Variants in BFAR observed in about 807,000 individuals in gnomAD.
BFAR encodes bifunctional apoptosis regulator, also known as RING finger protein 47.
Under a neutral mutation model 54.4 loss-of-function variants are expected in BFAR, and 52 were observed. The observed-to-expected ratio is 0.96, with a 90% CI of 0.77 to 1.21. BFAR has a LOEUF of 1.21. Among genes scored for constraint, BFAR ranks in the 50% most tolerant of loss-of-function variants. The pLI is 0.00. For missense variants in BFAR, 571 were observed against 534.0 expected (o/e 1.07, Z -0.68); for synonymous variants, 215 against 204.3 (o/e 1.05, Z -0.45).
rs952237950 is a variant in BFAR at position 14,669,032 on chromosome 16, G to T, written c.*1205G>T. 17 of 453,980 alleles carry T rather than the reference G, an allele frequency of 3.7e-5. No homozygotes were observed. Among genetic ancestry groups the T allele is most frequent in the Non-Finnish European group, 7.5e-5 (17 of 226,046 alleles). 28.1% of individuals were successfully genotyped at this position (453,980 alleles called of 1,614,324 possible). A position where few individuals can be genotyped will look rare whatever the true frequency, so the allele number is the denominator to read the frequency against. On this transcript the variant is annotated 3_prime_UTR_variant, in exon 8 of 8. Coordinates refer to ENST00000261658, the MANE Select transcript of BFAR (RefSeq NM_016561.3). ...AACTATGGCCTTTTATTTCCTTCCA[G>T]TGTGAACACAGCAGGTGTGAGATGT... is the stretch of plus-strand genomic sequence containing the variant.
At position 14,648,612 on chromosome 16, in the gene BFAR, C is replaced by T; in HGVS notation, c.468+20C>T. The T allele has an allele frequency of 6.3e-7, 1 of 1,587,918 alleles. No individual in the cohort carries two copies. ...GTGGCAGTAAGTTGATCACTGTGTTCCTCTGTGCCCCCCCACACCTCACCC... is the reference window on the plus strand; with the variant it reads ...GTGGCAGTAAGTTGATCACTGTGTTTCTCTGTGCCCCCCCACACCTCACCC... On this transcript the variant is annotated intron_variant, in intron 3 of 7. Transcript: ENST00000261658.
chr16:14,644,569 G>C lies in BFAR; in HGVS notation c.223G>C (p.Glu75Gln), dbSNP rs1394457624. The part of the protein sequence containing the change: ...SKKTECPECR[E>Q]KWEGFPKVSI... ...GAAAACAGAATGTCCAGAATGCAGAGAAAAATGGGAAGGTTTCCCCAAAGT... is the reference window on the plus strand; with the variant it reads ...GAAAACAGAATGTCCAGAATGCAGACAAAAATGGGAAGGTTTCCCCAAAGT... The change falls in exon 2 of 8, where the codon GAA becomes CAA. Residue 75 changes from glutamate (E) to glutamine (Q), a missense_variant. Transcript: ENST00000261658. The C allele has an allele frequency of 6.2e-7, 1 of 1,613,284 alleles. No individual in the cohort carries two copies. The highest frequency in any genetic ancestry group is 8.5e-7 in the Non-Finnish European group (1 of 1,179,906).
In BFAR at chr16:14,661,988, A is replaced by G; in HGVS notation, c.880A>G (p.Thr294Ala). 1 of 1,614,066 alleles carries G rather than the reference A, an allele frequency of 6.2e-7. No homozygotes were observed. The highest frequency in any genetic ancestry group is 1.1e-5 in the South Asian group (1 of 91,080). ...LYLYLFDYTD[T>A]FLPFIHTICP... ...CCTGTACCTGTTTGACTACACCGAC[A>G]CCTTCCTACCTTTCATCCACACCAT... The change falls in exon 6 of 8, where the codon ACC becomes GCC. Residue 294 changes from threonine to alanine, a missense_variant. Thr to Ala is a moderately conservative substitution (Grantham distance 58, BLOSUM62 0). Transcript: ENST00000261658.
chr16:14,641,219 T>C (rs560529484), intron 1 of BFAR, among the ~76,000 whole-genome samples: 1 of 152,254 alleles, frequency 6.6e-6, no homozygotes, highest in African/African-American at 2.4e-5. Context: ...GGGGTAGGAA[T>C]AGAATGATTC....
Position 14,661,980 on chromosome 16 carries a change from A to G in BFAR, c.872A>G (p.Tyr291Cys). ...CTGCTCTACCTGTACCTGTTTGACT[A>G]CACCGACACCTTCCTACCTTTCATC... ...LSLLYLYLFD[Y>C]TDTFLPFIHT... The change falls in exon 6 of 8, where the codon TAC (tyrosine) becomes TGC (cysteine). Residue 291 changes from tyrosine to cysteine, a missense_variant. Tyr to Cys is a radical substitution (Grantham distance 194). Coordinates refer to ENST00000261658, the MANE Select transcript of BFAR (RefSeq NM_016561.3). The G allele has an allele frequency of 6.2e-7, 1 of 1,614,058 alleles. No homozygotes were observed. The highest frequency in any genetic ancestry group is 8.5e-7 in the Non-Finnish European group (1 of 1,180,020).
rs1960137732 is a variant in BFAR, at chr16:14,656,657, G to GTTGTTAAACAAGTTATTCAC, written c.783+1448_783+1467dup. ...GACTCCAATGTTTGATTAACGGAAA[G>GTTGTTAAACAAGTTATTCAC]TTGTTAAACAAGTTATTCACGGCAG... On this transcript the variant is annotated intron_variant, in intron 5 of 7. Coordinates refer to ENST00000261658, the MANE Select transcript of BFAR (RefSeq NM_016561.3). Among the ~76,000 whole-genome samples the GTTGTTAAACAAGTTATTCAC allele has an allele frequency of 2.0e-5, 3 of 152,268 alleles. No homozygotes were observed. In the South Asian group the frequency reaches 6.2e-4, roughly 32 times the overall value.
At position 14,661,392 on chromosome 16, in the gene BFAR, C is replaced by CTTTTTTT. The variant is rs774393097; in HGVS notation, c.784-479_784-473dup. Among the ~76,000 whole-genome samples, 202 of 65,102 alleles carry CTTTTTTT rather than the reference C, an allele frequency of 3.1e-3. 38 individuals carry two copies. The highest frequency in any genetic ancestry group is 4.9e-3 in the Non-Finnish European group (168 of 34,394). 42.7% of individuals were successfully genotyped at this position (65,102 alleles called of 152,430 possible). On this transcript the variant is annotated intron_variant, in intron 5 of 7. Transcript: ENST00000261658. The stretch of plus-strand genomic sequence containing the variant: ...CCCCAGCTAGAGCTAGAGATTGGAT[C>CTTTTTTT]TTTTTTTTTTTTTTTTTTTTTTTTT...
At chr16:14,662,449 T>C (rs1407443950) in intron 6 of BFAR, among the ~76,000 whole-genome samples, 2 of 152,176 alleles carry the variant, frequency 1.3e-5, no homozygotes, top group African/African-American at 4.8e-5. Context: ...ATTCCTCCCC[T>C]AATTACCCAG....
rs564707207 is a variant in BFAR at position 14,655,373 on chromosome 16, G to A, written c.783+163G>A. ...GTCCTTCTCTGTCGCCCAGGCTGGA[G>A]TGCAATGGCGCAATCTCAGCTCAGT... is the stretch of plus-strand genomic sequence containing the variant. On this transcript the variant is annotated intron_variant, in intron 5 of 7. Transcript: ENST00000261658. Among the ~76,000 whole-genome samples, 145 of 151,476 alleles carry A rather than the reference G, an allele frequency of 9.6e-4. 2 individuals carry two copies. Among genetic ancestry groups the A allele is most frequent in the Non-Finnish European group, 1.7e-3 (118 of 67,910 alleles).
chr16:14,662,984 C>T (rs566925870), intron 6 of BFAR, among the ~76,000 whole-genome samples: 5 of 152,164 alleles, frequency 3.3e-5, no homozygotes, highest in African/African-American at 9.6e-5. Context: ...GGGCTGCATG[C>T]GCCGGTAATC....
In BFAR at chr16:14,667,750, G is replaced by A. The variant is rs751495116; in HGVS notation, c.1276G>A (p.Ala426Thr). The A allele has an allele frequency of 1.2e-6, 2 of 1,614,116 alleles. No homozygotes were observed. The highest frequency in any genetic ancestry group is 1.1e-5 in the South Asian group (1 of 91,082). The change falls in exon 8 of 8, where the codon GCC becomes ACC. Residue 426 changes from alanine (A) to threonine (T), a missense_variant. Coordinates refer to ENST00000261658, the MANE Select transcript of BFAR (RefSeq NM_016561.3). ...TGTTTGCAACTGTTTGTTTTACTGG[G>A]CCCTGTACTTTAACCCAATTATTAA... ...QFVCNCLFYW[A>T]LYFNPIINID...
rs987167994 is a variant in BFAR, at chr16:14,648,278, T to C, written c.264-110T>C. On this transcript the variant is annotated intron_variant, in intron 2 of 7. Transcript: ENST00000261658. The stretch of plus-strand genomic sequence containing the variant: ...ACTATAATACATTTCTTGTCAGTTC[T>C]CCTAGGGTAGCTATATATTATTAGA... The C allele has an allele frequency of 5.0e-6, 4 of 805,846 alleles. No individual in the cohort carries two copies. The African/African-American group carries it at 6.9e-5, about 14-fold the overall frequency. The allele number at this position is 805,846 out of a possible 1,614,324, so 49.9% of individuals were successfully genotyped here. A position where few individuals can be genotyped will look rare whatever the true frequency, so the allele number is the denominator to read the frequency against.
Position 14,641,292 on chromosome 16 carries a change from G to T in BFAR, c.-73-2982G>T, listed in dbSNP as rs964505267. Among the ~76,000 whole-genome samples, 6 of 152,270 alleles carry T rather than the reference G, an allele frequency of 3.9e-5. No individual in the cohort carries two copies. In the East Asian group the frequency reaches 1.2e-3, roughly 29 times the overall value. On this transcript the variant is annotated intron_variant, in intron 1 of 7. Transcript: ENST00000261658. The stretch of plus-strand genomic sequence containing the variant: ...GAGCCTTCAAGATGGAGAAAACAGT[G>T]AAGAGAAGAGTAGCTGAGAGCTGCT...
At position 14,649,918 on chromosome 16, in the gene BFAR, G is replaced by T; in HGVS notation, c.583G>T (p.Gly195Cys). 1 of 1,613,512 alleles carries T rather than the reference G, an allele frequency of 6.2e-7. No individual in the cohort carries two copies. The highest frequency in any genetic ancestry group is 8.5e-7 in the Non-Finnish European group (1 of 1,179,712). ...AGTTGTCCTCTGGCTGGAGCAGCTG[G>T]GCCCTTGGGCATCTCTTTACAGGGA... ...EEVVLWLEQL[G>C]PWASLYRERF... Residue 195 changes from glycine to cysteine, a missense_variant, in exon 4 of 8, where the codon GGC becomes TGC. Gly to Cys is a radical substitution (Grantham distance 159, BLOSUM62 -3). Coordinates refer to ENST00000261658, the MANE Select transcript of BFAR (RefSeq NM_016561.3).
chr16:14,650,263 G>A (rs1449715461), intron 4 of BFAR: 6 of 252,462 alleles, frequency 2.4e-5, no homozygotes, highest in South Asian at 1.5e-4. Flanking sequence ...CCAAGAGGTG[G>A]AGGTTACAAT....
Position 14,667,707 on chromosome 16 carries a change from GC to G in BFAR, c.1237del (p.Leu413SerfsTer45). ...AGGGGCTTTTTGTGGCCATGTTCTGGCCCCTCATCCCTCAGTTTGTTTGCAA... is the reference window on the plus strand; with the variant it reads ...AGGGGCTTTTTGTGGCCATGTTCTGGCCCTCATCCCTCAGTTTGTTTGCAA... The part of the protein sequence containing the change: ...TQGLFVAMFW[P>X]LIPQFVCNCL... On this transcript the variant is annotated frameshift_variant, in exon 8 of 8. Transcript: ENST00000261658. LOFTEE classifies it high-confidence loss of function. 2 of 1,614,096 alleles carry G rather than the reference GC, an allele frequency of 1.2e-6. No homozygotes were observed. Among genetic ancestry groups the G allele is most frequent in the South Asian group, 2.2e-5 (2 of 91,080 alleles).
intron 6 of BFAR, among the ~76,000 whole-genome samples, chr16:14,663,019 A>C (rs1960335700): frequency 6.6e-6 from 1 of 152,124 alleles, no homozygotes; most frequent in Non-Finnish European, 1.5e-5. Flanking sequence ...TACGACAGGG[A>C]TTTTTACAGT....
At position 14,664,961 on chromosome 16, in the gene BFAR, C is replaced by G. The variant is rs751848491; in HGVS notation, c.1050C>G (p.Asp350Glu). ...PYQLIAEFAW[D>E]WLEVHYWTSR... ...AGCTGATTGCTGAGTTTGCTTGGGA[C>G]TGGTTGGAGGTCCATTACTGGACAT... Residue 350 changes from aspartate (D) to glutamate (E), a missense_variant, in exon 7 of 8, where the codon GAC (aspartate) becomes GAG (glutamate). Transcript: ENST00000261658. The G allele has an allele frequency of 6.2e-7, 1 of 1,613,854 alleles. No individual in the cohort carries two copies. The highest frequency in any genetic ancestry group is 8.5e-7 in the Non-Finnish European group (1 of 1,179,718).
intron 5 of BFAR, among the ~76,000 whole-genome samples, chr16:14,656,812 C>G (rs1416280646): frequency 6.6e-6 from 1 of 151,474 alleles, no homozygotes; most frequent in Admixed American, 6.6e-5. Context: ...TAATAAGGAA[C>G]AAAGTCCTGT....
Sources: gnomAD v4.1 joint callset for allele counts (sites outside exome capture counted in the v4.1 genomes callset) on GRCh38, gnomAD v4.1.1 for gene constraint, MANE v1.5 for transcripts, NCBI Gene and HGNC (gene_info 2026-07-23, HGNC 2026-07-21) for gene names.